ELMO1: variants seen among roughly 807,000 people sequenced by gnomAD.
ELMO1 encodes the protein engulfment and cell motility 1, also known as engulfment and cell motility protein 1.
In ELMO1, 26 loss-of-function variants were observed where a neutral mutation model predicts 98.9. The observed-to-expected ratio is 0.26, with a 90% CI of 0.19 to 0.36. The LOEUF is 0.36. ELMO1 is among the 10% of genes least tolerant of loss of function. ELMO1 has a pLI of 1.00. For synonymous variants in ELMO1, 346 were observed against 346.0 expected, an observed-to-expected ratio of 1.00 and a Z score of 0.00; for missense variants, 627 against 935.2, an observed-to-expected ratio of 0.67 and a Z score of 4.30.
At chr7:36,927,779 C>A (rs1230931801) in intron 16 of ELMO1, among the ~76,000 whole-genome samples, 2 of 152,142 alleles carry the variant, frequency 1.3e-5, no homozygotes, top group Admixed American at 6.5e-5. Flanking sequence ...CTAGTTCATA[C>A]CAGAGTATGA....
intron 13 of ELMO1, among the ~76,000 whole-genome samples, chr7:37,147,065 G>T (rs559320612): frequency 7.4e-4 from 112 of 151,858 alleles, no homozygotes; most frequent in African/African-American, 2.6e-3. Context: ...TTAGCAAGAA[G>T]AAATTTAATC....
intron 16 of ELMO1, among the ~76,000 whole-genome samples, chr7:36,951,939 G>A (rs376854290): frequency 1.3e-5 from 2 of 152,324 alleles, no homozygotes; most frequent in South Asian, 2.1e-4. Context: ...TAAATGAAGG[G>A]GGGTTTAAAG....
chr7:36,986,431 A>C (rs1791513127), intron 16 of ELMO1: 3 of 195,310 alleles, frequency 1.5e-5, no homozygotes, highest in Non-Finnish European at 2.8e-5. Context: ...ACTTTTTCTT[A>C]TAAAGAACTA....
intron 2 of ELMO1, among the ~76,000 whole-genome samples, chr7:37,335,010 T>A (rs777044176): frequency 3.0e-4 from 45 of 152,026 alleles, no homozygotes; most frequent in Non-Finnish European, 5.3e-4. Flanking sequence ...GTAACGGAGA[T>A]CAATGTGATG....
chr7:37,143,707 G>A lies in ELMO1; in HGVS notation c.1087-10473C>T, dbSNP rs1253166129. On this transcript the variant is annotated intron_variant, in intron 13 of 21. Transcript: ENST00000310758. ...CAGCAGGTGTGAGCCACTGCAGCCGGTCGATTTTTTTTTTTTTTTTTGAGA... is the reference window on the plus strand; with the variant it reads ...CAGCAGGTGTGAGCCACTGCAGCCGATCGATTTTTTTTTTTTTTTTTGAGA... Among the ~76,000 whole-genome samples the A allele has an allele frequency of 2.8e-5, 3 of 106,108 alleles. No homozygotes were observed. In the East Asian group the frequency reaches 8.7e-4, roughly 31 times the overall value. 69.6% of individuals were successfully genotyped at this position (106,108 alleles called of 152,430 possible). A position where few individuals can be genotyped will look rare whatever the true frequency, so the allele number is the denominator to read the frequency against.
At chr7:37,179,116 T>C (rs1244622644) in intron 13 of ELMO1, among the ~76,000 whole-genome samples, 2 of 152,172 alleles carry the variant, frequency 1.3e-5, no homozygotes, top group African/African-American at 4.8e-5. Flanking sequence ...CTCTGTACTA[T>C]GGCTGCGACA....
chr7:37,006,707 T>A (rs535736980), intron 16 of ELMO1, among the ~76,000 whole-genome samples: 12 of 152,234 alleles, frequency 7.9e-5, no homozygotes, highest in African/African-American at 2.9e-4. Context: ...TGGGGAAAAA[T>A]ACCTATAAAA....
chr7:37,223,755 C>G (rs1362707475), intron 9 of ELMO1, among the ~76,000 whole-genome samples: 2 of 152,160 alleles, frequency 1.3e-5, no homozygotes, highest in South Asian at 2.1e-4. Flanking sequence ...GCCACAATCA[C>G]GGAGGCCACC....
At chr7:37,380,974 G>C (rs533378777) in intron 1 of ELMO1, among the ~76,000 whole-genome samples, 12 of 152,326 alleles carry the variant, frequency 7.9e-5, no homozygotes, top group Admixed American at 3.3e-4. Context: ...GCACAAAAAT[G>C]TGAAAAACGT....
At chr7:37,173,800 C>A (rs1357082048) in intron 13 of ELMO1, among the ~76,000 whole-genome samples, 4 of 152,202 alleles carry the variant, frequency 2.6e-5, no homozygotes, top group African/African-American at 9.7e-5. Flanking sequence ...AACCACCACC[C>A]CAAACCTGAA....
At chr7:37,073,004 G>A (rs1018404416) in intron 15 of ELMO1, among the ~76,000 whole-genome samples, 8 of 152,196 alleles carry the variant, frequency 5.3e-5, no homozygotes, top group Non-Finnish European at 1.2e-4. Context: ...ACTTTTCAGA[G>A]GGCAGTTAGG....
intron 13 of ELMO1, 25 bp downstream of exon 13, chr7:37,211,361 C>T (rs773809001): frequency 8.1e-6 from 13 of 1,613,394 alleles, no homozygotes; most frequent in Middle Eastern, 1.6e-4. Context: ...GGAGGGAGAG[C>T]GCATACTGGA....
At chr7:36,889,968 C>T (rs759318646) in intron 17 of ELMO1, among the ~76,000 whole-genome samples, 24 of 152,202 alleles carry the variant, frequency 1.6e-4, no homozygotes, top group East Asian at 3.9e-4. Context: ...TCTTTCCTGG[C>T]GAATGGACTC....
chr7:36,956,161 G>T (rs1333458842), intron 16 of ELMO1, among the ~76,000 whole-genome samples: 1 of 152,176 alleles, frequency 6.6e-6, no homozygotes, highest in East Asian at 1.9e-4. Flanking sequence ...ATTTCTTGGA[G>T]GCTGAATAGG....
intron 16 of ELMO1, among the ~76,000 whole-genome samples, chr7:36,953,403 A>G (rs138225127): frequency 7.8e-4 from 119 of 152,326 alleles, no homozygotes; most frequent in African/African-American, 2.8e-3. Context: ...TGTCAGACAT[A>G]TGTGTTTATT....
chr7:37,072,200 G>A (rs898859404), intron 15 of ELMO1, among the ~76,000 whole-genome samples: 11 of 152,198 alleles, frequency 7.2e-5, no homozygotes, highest in African/African-American at 2.4e-4. Context: ...GCCCTGATAT[G>A]GTTTGGCTGT....
intron 4 of ELMO1, among the ~76,000 whole-genome samples, chr7:37,285,249 T>C (rs569433389): frequency 1.6e-3 from 240 of 152,292 alleles, no homozygotes; most frequent in Non-Finnish European, 2.6e-3. Flanking sequence ...CTGGAGGCCA[T>C]AGCTTCTTTT....
In ELMO1 at chr7:36,894,859, C is replaced by A. The variant is rs369838763; in HGVS notation, c.1596G>T (p.Pro532=). The stretch of plus-strand genomic sequence containing the variant: ...GTCAATACTAGGTAACTTACAAAAT[C>A]GGGCGGGACTGGAAATCTTCCTGGT... The part of the protein sequence containing the change: ...RMNQEDFQSR[P]ILELKEKIQP... The change falls in exon 17 of 22, where the codon CCG becomes CCT. Residue 532 remains proline, a synonymous_variant. Transcript: ENST00000310758. 6.2e-7 allele frequency: 1 copy of A among 1,613,960 alleles called. No homozygotes were observed. Among genetic ancestry groups the A allele is most frequent in the African/African-American group, 1.3e-5 (1 of 74,920 alleles).
intron 16 of ELMO1, among the ~76,000 whole-genome samples, chr7:36,952,457 T>G (rs1233231092): frequency 6.6e-6 from 1 of 152,092 alleles, no homozygotes; most frequent in African/African-American, 2.4e-5. Context: ...CTAATGAATC[T>G]TATCCAGCTG....
Sources: gnomAD v4.1 joint callset for allele counts (sites outside exome capture counted in the v4.1 genomes callset) on GRCh38, gnomAD v4.1.1 for gene constraint, MANE v1.5 for transcripts, NCBI Gene and HGNC (gene_info 2026-07-23, HGNC 2026-07-21) for gene names.